The following CCDC7 variants were observed in gnomAD, a reference collection of about 807,000 sequenced individuals.
CCDC7 encodes coiled-coil domain-containing protein 7.
CCDC7 carries 183 observed loss-of-function variants against 196.9 expected under a neutral mutation model. The observed-to-expected ratio is 0.93, with a 90% CI of 0.82 to 1.05. CCDC7 has a LOEUF of 1.05. Ranked by LOEUF, CCDC7 falls within the 50% of genes least tolerant of loss-of-function variation. The pLI, the probability that CCDC7 is intolerant of heterozygous loss-of-function variation, is 0.00. For missense variants in CCDC7, 1,540 were observed against 1,482.2 expected (o/e 1.04, Z -0.64); for synonymous variants, 525 against 484.6 (o/e 1.08, Z -1.10).
At chr10:32,816,408 G>A (rs569389552) in intron 31 of CCDC7, among the ~76,000 whole-genome samples, 8 of 152,308 alleles carry the variant, frequency 5.3e-5, no homozygotes, top group Admixed American at 3.9e-4. Flanking sequence ...CCACCTCTGG[G>A]GGCAGGGCAT....
chr10:32,833,109 A>T (rs1565650199), intron 32 of CCDC7, among the ~76,000 whole-genome samples: 1 of 152,144 alleles, frequency 6.6e-6, no homozygotes, highest in Non-Finnish European at 1.5e-5. Context: ...GTATAAAGTT[A>T]TATAGAGAAA....
intron 18 of CCDC7, among the ~76,000 whole-genome samples, chr10:32,631,874 G>A (rs1468286143): frequency 6.6e-6 from 1 of 151,762 alleles, no homozygotes; most frequent in Non-Finnish European, 1.5e-5. Flanking sequence ...TTTTTTAAAA[G>A]TCATTCTTTA....
chr10:32,605,325 T>G (rs372062856), intron 18 of CCDC7, among the ~76,000 whole-genome samples: 3 of 152,282 alleles, frequency 2.0e-5, no homozygotes, highest in African/African-American at 7.2e-5. Context: ...AAGACAGGAA[T>G]AGCCTAACAC....
In CCDC7 at chr10:32,739,858, G is replaced by GCC. The variant is rs113990276; in HGVS notation, c.2905+10409_2905+10410dup. ...TTTCTAAAATATTGTCATTATTTTT[G>GCC]CCCCCCCCCACCAAACTGCTGTTTC... is the stretch of plus-strand genomic sequence containing the variant. On this transcript the variant is annotated intron_variant, in intron 28 of 41. Coordinates refer to ENST00000639629, the Ensembl canonical transcript of CCDC7. Among the ~76,000 whole-genome samples the GCC allele has an allele frequency of 8.3e-3, 1,246 of 149,370 alleles. 17 individuals carry two copies. The highest frequency in any genetic ancestry group is 0.041 in the South Asian group (193 of 4,700).
At chr10:32,701,846 G>C (rs1167269899) in intron 24 of CCDC7, among the ~76,000 whole-genome samples, 1 of 152,134 alleles carries the variant, frequency 6.6e-6, no homozygotes, top group South Asian at 2.1e-4. Flanking sequence ...TTGTATTTCT[G>C]TGGGATCGGT....
intron 20 of CCDC7, among the ~76,000 whole-genome samples, chr10:32,638,748 A>G (rs954540545): frequency 6.6e-6 from 1 of 152,226 alleles, no homozygotes; most frequent in African/African-American, 2.4e-5. Context: ...GCCTCATAAA[A>G]TGAGTTAGGG....
chr10:32,779,393 TC>T (rs1440431488), intron 29 of CCDC7, among the ~76,000 whole-genome samples: 1 of 152,224 alleles, frequency 6.6e-6, no homozygotes, highest in African/African-American at 2.4e-5. Context: ...TGTGAACAGT[TC>T]CTTGAGGACA....
At chr10:32,718,819 A>G (rs999762188) in intron 25 of CCDC7, among the ~76,000 whole-genome samples, 1 of 152,204 alleles carries the variant, frequency 6.6e-6, no homozygotes, top group Admixed American at 6.5e-5. Flanking sequence ...CTTATGAGGG[A>G]TGTAAAGGAC....
At chr10:32,691,926 T>C (rs2077136527) in intron 23 of CCDC7, among the ~76,000 whole-genome samples, 1 of 152,172 alleles carries the variant, frequency 6.6e-6, no homozygotes, top group African/African-American at 2.4e-5. Flanking sequence ...ACATCATTCG[T>C]CCCCCTTTCC....
chr10:32,869,428 T>C (rs1200634749), intron 41 of CCDC7, among the ~76,000 whole-genome samples: 5 of 152,210 alleles, frequency 3.3e-5, no homozygotes, highest in African/African-American at 1.2e-4. Context: ...TTTTTTCTTG[T>C]AAATTTGTTT....
At chr10:32,579,470 A>G (rs1430143803) in intron 16 of CCDC7, among the ~76,000 whole-genome samples, 4 of 152,138 alleles carry the variant, frequency 2.6e-5, no homozygotes, top group Non-Finnish European at 5.9e-5. Context: ...ATGTCCTTAT[A>G]TCAATTATAT....
intron 31 of CCDC7, among the ~76,000 whole-genome samples, chr10:32,819,142 G>T (rs1217621095): frequency 6.6e-6 from 1 of 152,158 alleles, no homozygotes; most frequent in African/African-American, 2.4e-5. Flanking sequence ...TATCACCATT[G>T]ATCCCACAGA....
At chr10:32,535,285 A>G (rs2135972912) in intron 11 of CCDC7, among the ~76,000 whole-genome samples, 1 of 152,098 alleles carries the variant, frequency 6.6e-6, no homozygotes, top group Admixed American at 6.6e-5. Flanking sequence ...ACAAGAAATA[A>G]CCACCTAATG....
intron 28 of CCDC7, among the ~76,000 whole-genome samples, chr10:32,768,387 T>TTGTTATGTATCCTGAATTTGTA (rs1283592924): frequency 1.3e-5 from 2 of 152,166 alleles, no homozygotes; most frequent in African/African-American, 4.8e-5. Context: ...TCCTGAAACT[T>TTGTTATGTATCCTGAATTTGTA]TACTGAATTT....
intron 40 of CCDC7, among the ~76,000 whole-genome samples, chr10:32,853,312 A>G (rs1224235071): frequency 6.6e-6 from 1 of 152,196 alleles, no homozygotes; most frequent in Non-Finnish European, 1.5e-5. Context: ...ACAGAGGAAT[A>G]ATAATGGTCT....
intron 13 of CCDC7, among the ~76,000 whole-genome samples, chr10:32,559,563 G>A (rs939148927): frequency 2.0e-5 from 3 of 152,248 alleles, no homozygotes; most frequent in African/African-American, 7.2e-5. Context: ...CAGGTAGACG[G>A]TCTGGAGTGG....
At chr10:32,860,181 C>T (rs2093925708) in intron 41 of CCDC7, among the ~76,000 whole-genome samples, 1 of 152,222 alleles carries the variant, frequency 6.6e-6, no homozygotes, top group Middle Eastern at 3.4e-3. Flanking sequence ...ACTGGCAAAC[C>T]GAATCCAGCA....
chr10:32,498,242 A>C (rs1392386936), intron 9 of CCDC7, among the ~76,000 whole-genome samples: 4 of 151,966 alleles, frequency 2.6e-5, no homozygotes, highest in African/African-American at 9.7e-5. Flanking sequence ...CATTTGCTTG[A>C]TAAATCTTCC....
chr10:32,792,481 G>T (rs1003692186), intron 29 of CCDC7, among the ~76,000 whole-genome samples: 1 of 152,170 alleles, frequency 6.6e-6, no homozygotes, highest in Admixed American at 6.5e-5. Flanking sequence ...AAATAAAGTT[G>T]TTATCAGCTT....
Sources: gnomAD v4.1 joint callset for allele counts (sites outside exome capture counted in the v4.1 genomes callset) on GRCh38, gnomAD v4.1.1 for gene constraint, MANE v1.5 for transcripts, NCBI Gene and HGNC (gene_info 2026-07-23, HGNC 2026-07-21) for gene names.